JAKMIP2: variants seen among roughly 807,000 people sequenced by gnomAD.
The protein encoded by JAKMIP2 is janus kinase and microtubule-interacting protein 2.
Under a neutral mutation model 115.0 loss-of-function variants are expected in JAKMIP2, and 25 were observed. The ratio of observed to expected loss-of-function variants is 0.22; its 90% CI spans 0.16 to 0.30. The LOEUF (loss-of-function observed/expected upper bound fraction) is 0.30, where lower values mean the gene tolerates loss of function less well. Ranked by LOEUF, JAKMIP2 falls within the 10% of genes least tolerant of loss-of-function variation. The pLI, the probability that JAKMIP2 is intolerant of heterozygous loss-of-function variation, is 1.00. For synonymous variants in JAKMIP2, 334 were observed against 343.6 expected (o/e 0.97, Z 0.31); for missense variants, 642 against 957.6 (o/e 0.67, Z 4.35).
intron 7 of JAKMIP2, among the ~76,000 whole-genome samples, chr5:147,642,497 GC>G (rs1332541250): frequency 9.2e-5 from 14 of 151,992 alleles, no homozygotes; most frequent in Non-Finnish European, 1.9e-4. Flanking sequence ...TGCCTAAATA[GC>G]CCAAAATTCT....
intron 12 of JAKMIP2, among the ~76,000 whole-genome samples, chr5:147,634,622 G>T (rs1389770524): frequency 6.6e-6 from 1 of 152,100 alleles, no homozygotes; most frequent in South Asian, 2.1e-4. Context: ...TTCATTCAAT[G>T]CCAACAAAGT....
chr5:147,592,746 CTA>C (rs1225732872), intron 21 of JAKMIP2, among the ~76,000 whole-genome samples: 7 of 152,184 alleles, frequency 4.6e-5, no homozygotes, highest in African/African-American at 1.7e-4. Flanking sequence ...AAAGACTTTA[CTA>C]TTATTCCAGA....
At chr5:147,720,992 G>C (rs1482669614) in intron 1 of JAKMIP2, among the ~76,000 whole-genome samples, 1 of 151,280 alleles carries the variant, frequency 6.6e-6, no homozygotes, top group Non-Finnish European at 1.5e-5. Context: ...ATCTACTTTT[G>C]GTCTTTGATG....
intron 1 of JAKMIP2, among the ~76,000 whole-genome samples, chr5:147,775,820 T>C (rs984735021): frequency 5.3e-5 from 8 of 152,234 alleles, no homozygotes; most frequent in Non-Finnish European, 1.0e-4. Flanking sequence ...ACAGTCTTTA[T>C]TGAGTATGCA....
rs1277314634 is a variant in JAKMIP2, at chr5:147,633,369, C to A, written c.1678-591G>T. Reference sequence around the variant, plus strand: ...CTAGAATCTAGGAACTGTGGCCTACCCAATGAACTGACTACTCCAGGAACT... The same window carrying A: ...CTAGAATCTAGGAACTGTGGCCTACACAATGAACTGACTACTCCAGGAACT... On this transcript the variant is annotated intron_variant, in intron 12 of 21. Coordinates refer to ENST00000616793, the MANE Select transcript of JAKMIP2 (RefSeq NM_001270941.2). Among the ~76,000 whole-genome samples, 57 of 152,150 alleles carry A rather than the reference C, an allele frequency of 3.7e-4. 1 individual carries two copies. The highest frequency in any genetic ancestry group is 1.3e-4 in the Non-Finnish European group (9 of 68,026).
Position 147,671,684 on chromosome 5 carries a change from C to A in JAKMIP2, c.123G>T (p.Lys41Asn). The A allele has an allele frequency of 6.7e-7, 1 of 1,489,512 alleles. No homozygotes were observed. Among genetic ancestry groups the A allele is most frequent in the Admixed American group, 2.2e-5 (1 of 45,754 alleles). The allele number at this position is 1,489,512 out of a possible 1,614,324, so 92.3% of individuals were successfully genotyped here. A position where few individuals can be genotyped will look rare whatever the true frequency, so the allele number is the denominator to read the frequency against. Residue 41 changes from lysine (K) to asparagine (N), a missense_variant, in exon 2 of 22, where the codon AAG becomes AAT. Coordinates refer to ENST00000616793, the MANE Select transcript of JAKMIP2 (RefSeq NM_001270941.2). The part of the protein sequence containing the change: ...TDIQIELHQE[K>N]SKVSKLEREK... ...TCAGGTAGCCCTCGCTCACCTTGGACTTCTCTTGATGCAGCTCTATCTGAA... is the reference window on the plus strand; with the variant it reads ...TCAGGTAGCCCTCGCTCACCTTGGAATTCTCTTGATGCAGCTCTATCTGAA...
chr5:147,630,712 C>T (rs1757314655), intron 14 of JAKMIP2, among the ~76,000 whole-genome samples: 3 of 152,106 alleles, frequency 2.0e-5, no homozygotes, highest in Non-Finnish European at 4.4e-5. Flanking sequence ...GCAGGAAGGG[C>T]CATGCAGAAG....
chr5:147,596,888 G>C (rs147123141), intron 21 of JAKMIP2, among the ~76,000 whole-genome samples: 358 of 151,812 alleles, frequency 2.4e-3, no homozygotes, highest in African/African-American at 8.2e-3. Flanking sequence ...TTTTTTGGTG[G>C]GGGGATGGAG....
At chr5:147,662,554 C>T (rs1307160782) in intron 2 of JAKMIP2, among the ~76,000 whole-genome samples, 1 of 152,046 alleles carries the variant, frequency 6.6e-6, no homozygotes, top group Non-Finnish European at 1.5e-5. Context: ...CTCGAAAAAG[C>T]CTCTCCGTGA....
At chr5:147,645,792 A>G (rs1301816850) in intron 5 of JAKMIP2, among the ~76,000 whole-genome samples, 1 of 152,166 alleles carries the variant, frequency 6.6e-6, no homozygotes, top group Non-Finnish European at 1.5e-5. Flanking sequence ...AGATGCCAGT[A>G]ACACTCTGCT....
chr5:147,678,190 G>C (rs902080091), intron 1 of JAKMIP2, among the ~76,000 whole-genome samples: 21 of 152,116 alleles, frequency 1.4e-4, no homozygotes, highest in Admixed American at 1.4e-3. Context: ...TTTTAGTAAA[G>C]ATGGGGTTTC....
chr5:147,770,662 G>C (rs565323945), intron 1 of JAKMIP2, among the ~76,000 whole-genome samples: 1 of 152,160 alleles, frequency 6.6e-6, no homozygotes, highest in Non-Finnish European at 1.5e-5. Flanking sequence ...GATTTATCCA[G>C]AGGTGAAATT....
intron 1 of JAKMIP2, among the ~76,000 whole-genome samples, chr5:147,714,909 A>G (rs1752913215): frequency 6.6e-6 from 1 of 152,192 alleles, no homozygotes; most frequent in Non-Finnish European, 1.5e-5. Flanking sequence ...CTTATACAAA[A>G]GGGAAATGAT....
rs1758957052 is a variant in JAKMIP2 at position 147,661,260 on chromosome 5, C to T, written c.315G>A (p.Lys105=). Residue 105 remains lysine (K), a synonymous_variant, in exon 3 of 22, where the codon AAG becomes AAA. Transcript: ENST00000616793. ...QHEQEMSRTV[K]VRDGEIQRLK... ...GCCTCTGGATCTCTCCATCACGTAC[C>T]TTCACCGTCCTTGACATTTCCTGCT... 1 of 1,613,954 alleles carries T rather than the reference C, an allele frequency of 6.2e-7. No individual in the cohort carries two copies. The highest frequency in any genetic ancestry group is 8.5e-7 in the Non-Finnish European group (1 of 1,180,008).
intron 1 of JAKMIP2, among the ~76,000 whole-genome samples, chr5:147,773,969 A>G (rs1380059905): frequency 6.6e-6 from 1 of 152,144 alleles, no homozygotes; most frequent in Non-Finnish European, 1.5e-5. Context: ...CTTATTTTTC[A>G]TTATTGCTAA....
chr5:147,782,555 A>C lies in JAKMIP2; in HGVS notation c.-248T>G, dbSNP rs1052878031. ...GGATGCAGCCTCCGAACCCAACATC[A>C]GCAGTGGCTGCCGGTTTTTTTTTTC... On this transcript the variant is annotated 5_prime_UTR_variant, in exon 1 of 22. Transcript: ENST00000616793. 4 of 1,322,666 alleles carry C rather than the reference A, an allele frequency of 3.0e-6. No homozygotes were observed. In the South Asian group the frequency reaches 5.1e-5, roughly 17 times the overall value. The allele number at this position is 1,322,666 out of a possible 1,614,324, so 81.9% of individuals were successfully genotyped here.
intron 1 of JAKMIP2, among the ~76,000 whole-genome samples, chr5:147,688,657 T>C (rs1362521175): frequency 1.3e-5 from 2 of 152,212 alleles, no homozygotes; most frequent in Admixed American, 6.5e-5. Flanking sequence ...TCTAAGCTGT[T>C]AGACTCTAGG....
At chr5:147,734,645 T>A (rs941934835) in intron 1 of JAKMIP2, among the ~76,000 whole-genome samples, 2 of 146,954 alleles carry the variant, frequency 1.4e-5, no homozygotes, top group Non-Finnish European at 3.0e-5. Flanking sequence ...GAACTTATAC[T>A]ATAATACAAA....
At chr5:147,723,019 C>A (rs1279317980) in intron 1 of JAKMIP2, among the ~76,000 whole-genome samples, 2 of 149,438 alleles carry the variant, frequency 1.3e-5, no homozygotes, top group Non-Finnish European at 1.5e-5. Flanking sequence ...TTTTGAATTT[C>A]AAAAAATTTA....
Sources: allele counts gnomAD v4.1 joint callset (sites outside exome capture counted in the v4.1 genomes callset), GRCh38; gene constraint gnomAD v4.1.1; transcripts MANE v1.5; gene names NCBI Gene and HGNC (gene_info 2026-07-23, HGNC 2026-07-21).